Variants in LRRC41 observed in about 807,000 individuals in gnomAD.
The protein encoded by LRRC41 is leucine rich repeat containing 41.
Under a neutral mutation model 72.1 loss-of-function variants are expected in LRRC41, and 17 were observed. The observed-to-expected ratio is 0.24, with a 90% confidence interval of 0.16 to 0.35. LRRC41 has a LOEUF of 0.35. LRRC41 is among the 10% of genes least tolerant of loss of function. The pLI is 1.00. For synonymous variants in LRRC41, 427 were observed against 431.0 expected, an observed-to-expected ratio of 0.99 and a Z score of 0.11; for missense variants, 759 against 1,065.0, an observed-to-expected ratio of 0.71 and a Z score of 4.00.
At position 46,302,578 on chromosome 1, in the gene LRRC41, C is replaced by T. The variant is rs374347761; in HGVS notation, c.199+546G>A. On this transcript the variant is annotated intron_variant, in intron 1 of 9. Coordinates refer to ENST00000617190, the MANE Select transcript of LRRC41 (RefSeq NM_006369.5). The surrounding 1 kb of genome is among the most constrained non-coding windows in gnomAD (Gnocchi z 4.7). The stretch of plus-strand genomic sequence containing the variant: ...CCCCATTCCCTCGCTCTCCAATCTG[C>T]TGTCCTCCCCTCCGCCCATCGGCTT... 75 of 985,372 alleles carry T rather than the reference C, an allele frequency of 7.6e-5. 3 individuals are homozygous for T. The East Asian group carries it at 2.8e-3, about 37-fold the overall frequency. The allele number at this position is 985,372 out of a possible 1,614,324, so 61.0% of individuals were successfully genotyped here. A position where few individuals can be genotyped will look rare whatever the true frequency, so the allele number is the denominator to read the frequency against.
rs2148330015 is a variant in LRRC41 at position 46,303,144 on chromosome 1, A to G, written c.179T>C (p.Val60Ala). The change falls in exon 1 of 10, where the codon GTT becomes GCT. Residue 60 changes from valine to alanine, a missense_variant. Val to Ala is a moderately conservative substitution (Grantham distance 64). Transcript: ENST00000617190. ...CGRAVSAHMG[V>A]LESGVWALPG... ...CTTACCCCACACCCCGCTCTCCAGA[A>G]CCCCCATATGGGCGCTCACCGCCCG... is the stretch of plus-strand genomic sequence containing the variant. 1 of 1,499,336 alleles carries G rather than the reference A, an allele frequency of 6.7e-7. No homozygotes were observed. Among genetic ancestry groups the G allele is most frequent in the Non-Finnish European group, 8.9e-7 (1 of 1,127,806 alleles). 92.9% of individuals were successfully genotyped at this position (1,499,336 alleles called of 1,614,324 possible). A position where few individuals can be genotyped will look rare whatever the true frequency, so the allele number is the denominator to read the frequency against.
At chr1:46,280,312 T>C (rs755241699) in intron 6 of LRRC41, 22 bp from the exon 7 acceptor site, 5 of 1,612,274 alleles carry the variant, frequency 3.1e-6, no homozygotes, top group Non-Finnish European at 4.2e-6. Flanking sequence ...GCAGAGACCA[T>C]GGACCATGGA....
chr1:46,302,341 T>C lies in LRRC41; in HGVS notation c.199+783A>G. ...AGCCTCCCTCGCTTGTTTAAGCCGC[T>C]CCGGGCCCCCCTCCACTCGCTCTCC... On this transcript the variant is annotated intron_variant, in intron 1 of 9. Transcript: ENST00000617190. This position sits in a 1 kb window ranked among gnomAD's most constrained non-coding sequence, Gnocchi z 4.7. The C allele has an allele frequency of 2.0e-6, 2 of 985,036 alleles. No homozygotes were observed. Among genetic ancestry groups the C allele is most frequent in the Non-Finnish European group, 2.4e-6 (2 of 829,780 alleles). The allele number at this position is 985,036 out of a possible 1,614,324, so 61.0% of individuals were successfully genotyped here. A position where few individuals can be genotyped will look rare whatever the true frequency, so the allele number is the denominator to read the frequency against.
chr1:46,278,732 GGAA>G lies in LRRC41; in HGVS notation c.*130_*132del, dbSNP rs774387276. The G allele has an allele frequency of 1.0e-5, 9 of 893,256 alleles. No individual in the cohort carries two copies. Among genetic ancestry groups the G allele is most frequent in the Non-Finnish European group, 5.1e-6 (3 of 587,070 alleles). The allele number at this position is 893,256 out of a possible 1,614,324, so 55.3% of individuals were successfully genotyped here. ...AAGGCCTCCAGGACCTCAGTGCAAG[GGAA>G]GAAGGAAAAAAGAGAAAAAAGGTGA... On this transcript the variant is annotated 3_prime_UTR_variant, in exon 10 of 10. Coordinates refer to ENST00000617190, the MANE Select transcript of LRRC41 (RefSeq NM_006369.5).
rs558854972 is a variant in LRRC41 at position 46,290,903 on chromosome 1, C to T, written c.358-4404G>A. Reference sequence around the variant, plus strand: ...GATTACAGGCGTAAGCCACCATGCCCGGCCTGTTTCTAGTTTTTTTTTTTT... The same window carrying T: ...GATTACAGGCGTAAGCCACCATGCCTGGCCTGTTTCTAGTTTTTTTTTTTT... On this transcript the variant is annotated intron_variant, in intron 3 of 9. Coordinates refer to ENST00000617190, the MANE Select transcript of LRRC41 (RefSeq NM_006369.5). Among the ~76,000 whole-genome samples, 10 of 141,538 alleles carry T rather than the reference C, an allele frequency of 7.1e-5. No homozygotes were observed. The South Asian group carries it at 2.1e-3, about 29-fold the overall frequency. The allele number at this position is 141,538 out of a possible 152,430, so 92.9% of individuals were successfully genotyped here.
In LRRC41 at chr1:46,277,917, C is replaced by G. The variant is rs139712079; in HGVS notation, c.*948G>C. The G allele has an allele frequency of 3.7e-4, 601 of 1,614,002 alleles. No individual in the cohort carries two copies. The highest frequency in any genetic ancestry group is 4.7e-4 in the Non-Finnish European group (559 of 1,180,034). On this transcript the variant is annotated 3_prime_UTR_variant, in exon 10 of 10. Transcript: ENST00000617190. ...GAGCAGGATGTAGAGCGCCACTTCT[C>G]TCTGGGCGAGTTGAAGGAGCTGTTT...
Position 46,278,121 on chromosome 1 carries a change from G to A in LRRC41, c.*744C>T. 1.9e-6 allele frequency: 3 copies of A among 1,613,958 alleles called. No individual in the cohort carries two copies. The highest frequency in any genetic ancestry group is 2.5e-6 in the Non-Finnish European group (3 of 1,179,938). The stretch of plus-strand genomic sequence containing the variant: ...CAGCCGTCAGATCCGGCCACCCCCT[G>A]ATGGTTCTGACTGCACTTCAGACCT... On this transcript the variant is annotated 3_prime_UTR_variant, in exon 10 of 10. Coordinates refer to ENST00000617190, the MANE Select transcript of LRRC41 (RefSeq NM_006369.5).
At position 46,285,689 on chromosome 1, in the gene LRRC41, G is replaced by C; in HGVS notation, c.1168C>G (p.Arg390Gly). 6.2e-7 allele frequency: 1 copy of C among 1,614,002 alleles called. No individual in the cohort carries two copies. ...SSAPQPKPLK[R>G]FKRAAGKKGA... ...TTCTTCCCTGCAGCTCGCTTGAAAC[G>C]CTTTAGGGGCTTAGGCTGTGGGGCT... is the stretch of plus-strand genomic sequence containing the variant. Residue 390 changes from arginine (R) to glycine (G), a missense_variant, in exon 4 of 10, where the codon CGT becomes GGT. By Grantham distance (125) the Arg-to-Gly change is moderately radical (BLOSUM62 -2). Coordinates refer to ENST00000617190, the MANE Select transcript of LRRC41 (RefSeq NM_006369.5). The surrounding 1 kb of genome is among the most constrained non-coding windows in gnomAD (Gnocchi z 5.3).
rs538002364 is a variant in LRRC41 at position 46,284,834 on chromosome 1, A to G, written c.1495+528T>C. Reference sequence around the variant, plus strand: ...TAACACTGATTTGCATAGTTGTATGATTTGTCTCTAGCAGTGCTCAGCAAC... The same window carrying G: ...TAACACTGATTTGCATAGTTGTATGGTTTGTCTCTAGCAGTGCTCAGCAAC... On this transcript the variant is annotated intron_variant, in intron 4 of 9. Coordinates refer to ENST00000617190, the MANE Select transcript of LRRC41 (RefSeq NM_006369.5). Among the ~76,000 whole-genome samples the G allele has an allele frequency of 8.5e-5, 13 of 152,222 alleles. No individual in the cohort carries two copies. The South Asian group carries it at 2.7e-3, about 32-fold the overall frequency.
intron 3 of LRRC41, among the ~76,000 whole-genome samples, chr1:46,290,915 A>AG (rs1660998215): frequency 3.1e-5 from 1 of 32,786 alleles, no homozygotes; most frequent in Non-Finnish European, 7.1e-5. Flanking sequence ...GCCTGTTTCT[A>AG]GTTTTTTTTT....
intron 3 of LRRC41, 39 bp downstream of exon 3, chr1:46,297,524 C>G (rs1193621770): frequency 6.5e-7 from 1 of 1,527,388 alleles, no homozygotes; most frequent in South Asian, 1.1e-5. Context: ...TTTTACCATG[C>G]AAAATCAGGC....
intron 1 of LRRC41, chr1:46,298,929 T>C (rs1017436077): frequency 3.3e-5 from 5 of 152,416 alleles, no homozygotes; most frequent in African/African-American, 4.8e-5. Flanking sequence ...ACTACTCATC[T>C]TTCAAGTATC....
intron 1 of LRRC41, chr1:46,300,644 G>C (rs1029170868): frequency 6.6e-6 from 1 of 152,184 alleles, no homozygotes; most frequent in Non-Finnish European, 1.5e-5. Context: ...AACCCTTGGA[G>C]GTCTCTCTGC....
At position 46,303,302 on chromosome 1, in the gene LRRC41, C is replaced by T. The variant is rs1415251705; in HGVS notation, c.21G>A (p.Trp7Ter). The change falls in exon 1 of 10, where the codon TGG becomes TGA. Residue 7 changes from tryptophan to a stop codon, truncating the protein, a stop_gained. Coordinates refer to ENST00000617190, the MANE Select transcript of LRRC41 (RefSeq NM_006369.5). LOFTEE classifies it high-confidence loss of function. ...CACAGAACCAGCAACTCCGGGCGCG[C>T]CAGGCCTCGGGCGCCGCCATCTTGG... MAAPEAWRARSCWFCEV... is the reference protein window; with the variant it reads MAAPEA 3.3e-6 allele frequency: 5 copies of T among 1,534,446 alleles called. No individual in the cohort carries two copies. The highest frequency in any genetic ancestry group is 1.4e-5 in the African/African-American group (1 of 72,082).
chr1:46,277,940 T>C lies in LRRC41; in HGVS notation c.*925A>G. ...CTCTCTGGGCGAGTTGAAGGAGCTG[T>C]TTATCCTGGATGAAGCTAGCCTCAG... On this transcript the variant is annotated 3_prime_UTR_variant, in exon 10 of 10. Coordinates refer to ENST00000617190, the MANE Select transcript of LRRC41 (RefSeq NM_006369.5). The C allele has an allele frequency of 6.2e-7, 1 of 1,614,082 alleles. No homozygotes were observed. Among genetic ancestry groups the C allele is most frequent in the Non-Finnish European group, 8.5e-7 (1 of 1,180,024 alleles).
At chr1:46,283,781 T>G (rs1385643795) in intron 4 of LRRC41, among the ~76,000 whole-genome samples, 1 of 151,776 alleles carries the variant, frequency 6.6e-6, no homozygotes, top group Non-Finnish European at 1.5e-5. Flanking sequence ...TGGCACGATC[T>G]CCAGTCACTG....
At chr1:46,290,916 GTTTTTTTTTTTTTTT>G (rs71062750) in intron 3 of LRRC41, among the ~76,000 whole-genome samples, 6 of 65,724 alleles carry the variant, frequency 9.1e-5, no homozygotes, top group South Asian at 1.3e-3. Flanking sequence ...CCTGTTTCTA[GTTTTTTTTTTTTTTT>G]TTTTTTTTTT....
Position 46,277,674 on chromosome 1 carries a change from A to T in LRRC41, c.*1191T>A. The T allele has an allele frequency of 1.1e-6, 1 of 936,330 alleles. No homozygotes were observed. The highest frequency in any genetic ancestry group is 1.7e-6 in the Non-Finnish European group (1 of 599,674). The allele number at this position is 936,330 out of a possible 1,614,324, so 58.0% of individuals were successfully genotyped here. A position where few individuals can be genotyped will look rare whatever the true frequency, so the allele number is the denominator to read the frequency against. ...GGGAAAATGGACCTCAGCTGAGTAG[A>T]GATAATGTTCTGGGACTCATACTTT... On this transcript the variant is annotated 3_prime_UTR_variant, in exon 10 of 10. Coordinates refer to ENST00000617190, the MANE Select transcript of LRRC41 (RefSeq NM_006369.5).
At chr1:46,295,845 G>A (rs55906839) in intron 3 of LRRC41, among the ~76,000 whole-genome samples, 3,858 of 152,226 alleles carry the variant, frequency 0.025, 85 homozygotes, top group South Asian at 0.044. Flanking sequence ...CATTCTGAAC[G>A]CCAAGGGTTG....
Sources: gnomAD v4.1 joint callset for allele counts (sites outside exome capture counted in the v4.1 genomes callset) on GRCh38, gnomAD v4.1.1 for gene constraint, Gnocchi (gnomAD v3.1) non-coding constraint, MANE v1.5 for transcripts, NCBI Gene and HGNC (gene_info 2026-07-23, HGNC 2026-07-21) for gene names.